The following CSMD1 variants were observed in gnomAD, a reference collection of about 807,000 sequenced individuals.
CSMD1 encodes the protein CUB and Sushi multiple domains 1.
In CSMD1, 213 loss-of-function variants were observed where a neutral mutation model predicts 417.5. The observed-to-expected ratio is 0.51, with a 90% CI of 0.46 to 0.57. The LOEUF (loss-of-function observed/expected upper bound fraction) is 0.57. Among genes scored for constraint, CSMD1 ranks in the 20% least tolerant of loss-of-function variants. The pLI, the probability that CSMD1 is intolerant of heterozygous loss-of-function variation, is 0.00. For missense variants in CSMD1, 6,923 were observed against 4,529.7 expected (o/e 1.53, Z -15.17); for synonymous variants, 2,862 against 1,736.8 (o/e 1.65, Z -16.11).
At chr8:4,082,232 T>C (rs934948368) in intron 3 of CSMD1, among the ~76,000 whole-genome samples, 2 of 152,084 alleles carry the variant, frequency 1.3e-5, no homozygotes, top group Non-Finnish European at 2.9e-5. Flanking sequence ...ACAGGTAAAA[T>C]GGACAAAGTC....
At chr8:3,788,483 T>C (rs150443512) in intron 5 of CSMD1, among the ~76,000 whole-genome samples, 102 of 152,278 alleles carry the variant, frequency 6.7e-4, no homozygotes, top group African/African-American at 2.0e-3. Context: ...GGGAATTCTT[T>C]CCTACTTAAG....
intron 3 of CSMD1, among the ~76,000 whole-genome samples, chr8:4,269,645 C>G (rs930401940): frequency 6.6e-6 from 1 of 152,118 alleles, no homozygotes; most frequent in Non-Finnish European, 1.5e-5. Context: ...TCACACATGA[C>G]TTTATCAGGT....
At chr8:4,728,076 G>A (rs1469583440) in intron 1 of CSMD1, among the ~76,000 whole-genome samples, 1 of 145,994 alleles carries the variant, frequency 6.8e-6, no homozygotes, top group Admixed American at 6.9e-5. Flanking sequence ...GAATGTATAT[G>A]TTTGTAGGTA....
intron 7 of CSMD1, among the ~76,000 whole-genome samples, chr8:3,679,685 C>T (rs1369907254): frequency 6.6e-6 from 1 of 152,160 alleles, no homozygotes; most frequent in Non-Finnish European, 1.5e-5. Context: ...CCAAGCAGAC[C>T]TAATAGACAT....
intron 49 of CSMD1, 133 bp from the exon 50 acceptor site, chr8:3,052,780 T>TA: frequency 4.8e-6 from 3 of 630,674 alleles, no homozygotes; most frequent in Non-Finnish European, 6.9e-6. Flanking sequence ...TCTTTTTTTT[T>TA]CTTTCTTTTT....
intron 3 of CSMD1, among the ~76,000 whole-genome samples, chr8:4,288,638 A>G (rs1797192704): frequency 1.3e-5 from 2 of 152,150 alleles, no homozygotes; most frequent in African/African-American, 4.8e-5. Context: ...TGTTGCCACC[A>G]ACTCTGCCGC....
intron 5 of CSMD1, among the ~76,000 whole-genome samples, chr8:3,843,391 A>C (rs1031280194): frequency 6.6e-6 from 1 of 152,170 alleles, no homozygotes; most frequent in Non-Finnish European, 1.5e-5. Context: ...TTATAAGCAA[A>C]GATATTTCAG....
intron 1 of CSMD1, among the ~76,000 whole-genome samples, chr8:4,822,615 A>G (rs182963707): frequency 1.3e-5 from 2 of 152,226 alleles, no homozygotes; most frequent in African/African-American, 4.8e-5. Context: ...TTACATTTTT[A>G]GCAATTCATA....
chr8:4,655,693 G>A (rs1371280926), intron 1 of CSMD1, among the ~76,000 whole-genome samples: 2 of 151,860 alleles, frequency 1.3e-5, no homozygotes, highest in African/African-American at 4.9e-5. Flanking sequence ...AGGTAACTAG[G>A]ACACGAAGAG....
chr8:4,114,503 C>G (rs577014140), intron 3 of CSMD1, among the ~76,000 whole-genome samples: 1 of 152,292 alleles, frequency 6.6e-6, no homozygotes, highest in African/African-American at 2.4e-5. Flanking sequence ...AATAAAATAT[C>G]CATTCTGCAG....
intron 5 of CSMD1, among the ~76,000 whole-genome samples, chr8:3,843,533 A>C (rs1189956662): frequency 6.6e-6 from 1 of 152,066 alleles, no homozygotes; most frequent in East Asian, 1.9e-4. Context: ...AAACTATATA[A>C]AAGTAAAAAA....
At chr8:4,859,462 A>C (rs967463995) in intron 1 of CSMD1, among the ~76,000 whole-genome samples, 2 of 152,190 alleles carry the variant, frequency 1.3e-5, no homozygotes, top group African/African-American at 4.8e-5. Context: ...CTACCATCAG[A>C]GTGAACAGGC....
rs538836475 is a variant in CSMD1, at chr8:4,869,869, T to G, written c.85+124463A>C. ...TCTCTCTCTTTTTTATATTCTCTTT[T>G]TTCAATGAAAAGAAGTTAATGTTAG... On this transcript the variant is annotated intron_variant, in intron 1 of 69. Coordinates refer to ENST00000635120, the MANE Select transcript of CSMD1 (RefSeq NM_033225.6). 2.0e-5 allele frequency among the ~76,000 whole-genome samples: 3 copies of G among 152,208 alleles called. No homozygotes were observed. In the East Asian group the frequency reaches 5.8e-4, roughly 29 times the overall value.
At chr8:3,268,064 C>T (rs372822180) in intron 26 of CSMD1, among the ~76,000 whole-genome samples, 111 of 152,180 alleles carry the variant, frequency 7.3e-4, no homozygotes, top group African/African-American at 2.2e-3. Flanking sequence ...TTGCCTTCCA[C>T]AGCATTGATC....
chr8:3,193,208 AG>A (rs1408413293), intron 33 of CSMD1, among the ~76,000 whole-genome samples: 1 of 152,178 alleles, frequency 6.6e-6, no homozygotes, highest in East Asian at 1.9e-4. Context: ...TCCCAAAATG[AG>A]GAGAAATATA....
chr8:3,736,884 G>A (rs1482784712), intron 6 of CSMD1, among the ~76,000 whole-genome samples: 1 of 152,188 alleles, frequency 6.6e-6, no homozygotes, highest in Non-Finnish European at 1.5e-5. Context: ...CTGGCATGTA[G>A]AAGGTGCTGT....
intron 6 of CSMD1, among the ~76,000 whole-genome samples, chr8:3,721,306 G>A (rs573320966): frequency 2.0e-5 from 3 of 152,242 alleles, no homozygotes; most frequent in African/African-American, 4.8e-5. Context: ...CCACATATTC[G>A]GGTGTGTAAG....
intron 1 of CSMD1, among the ~76,000 whole-genome samples, chr8:4,861,743 G>A (rs922239299): frequency 3.9e-5 from 6 of 151,952 alleles, no homozygotes; most frequent in Non-Finnish European, 5.9e-5. Flanking sequence ...AATGTACAAA[G>A]GATGTACATT....
intron 3 of CSMD1, among the ~76,000 whole-genome samples, chr8:4,357,523 T>C (rs1801498984): frequency 6.6e-6 from 1 of 152,174 alleles, no homozygotes; most frequent in South Asian, 2.1e-4. Flanking sequence ...CACTACCATC[T>C]CTAAGTAAGT....
Sources: allele counts gnomAD v4.1 joint callset (sites outside exome capture counted in the v4.1 genomes callset), GRCh38; gene constraint gnomAD v4.1.1; transcripts MANE v1.5; gene names NCBI Gene and HGNC (gene_info 2026-07-23, HGNC 2026-07-21).